The following PEX14 variants were observed in gnomAD, a reference collection of about 807,000 sequenced individuals.
PEX14 encodes peroxisomal biogenesis factor 14.
Under a neutral mutation model 49.5 loss-of-function variants are expected in PEX14, and 15 were observed. That is an observed-to-expected ratio of 0.30 (90% CI 0.20 to 0.47). The LOEUF is 0.47. Among genes scored for constraint, PEX14 ranks in the 20% least tolerant of loss-of-function variants. The probability of loss-of-function intolerance (pLI) is 1.00; values close to 1 mark genes in which losing one functional copy is unlikely to be tolerated. For missense variants in PEX14, 398 were observed against 494.8 expected (o/e 0.80, Z 1.86); for synonymous variants, 210 against 212.7 (o/e 0.99, Z 0.11).
intron 2 of PEX14, among the ~76,000 whole-genome samples, chr1:10,519,810 C>CTG (rs1360796410): frequency 6.6e-6 from 1 of 152,220 alleles, no homozygotes; most frequent in Non-Finnish European, 1.5e-5. Flanking sequence ...CAGGGACTTG[C>CTG]TGTGCTGCTC....
intron 3 of PEX14, among the ~76,000 whole-genome samples, chr1:10,552,536 C>T (rs540957817): frequency 6.6e-6 from 1 of 152,284 alleles, no homozygotes; most frequent in East Asian, 1.9e-4. Context: ...ATTGTTGGTT[C>T]CCAGTTTAGC....
chr1:10,486,380 T>A (rs1003078737), intron 1 of PEX14, among the ~76,000 whole-genome samples: 13 of 149,684 alleles, frequency 8.7e-5, no homozygotes, highest in Admixed American at 6.0e-4. Flanking sequence ...TTTTTTTTTT[T>A]AATCATATGT....
chr1:10,582,862 T>C (rs1640363176), intron 3 of PEX14, among the ~76,000 whole-genome samples: 1 of 152,022 alleles, frequency 6.6e-6, no homozygotes. Flanking sequence ...GCCTCCTGAG[T>C]AGCTGGGATT....
At chr1:10,562,316 C>T (rs910492494) in intron 3 of PEX14, among the ~76,000 whole-genome samples, 3 of 152,156 alleles carry the variant, frequency 2.0e-5, no homozygotes, top group African/African-American at 7.2e-5. Flanking sequence ...ATGTACAGAC[C>T]ATATTCAAAT....
At chr1:10,594,168 G>A (rs1640758628) in intron 3 of PEX14, among the ~76,000 whole-genome samples, 1 of 152,144 alleles carries the variant, frequency 6.6e-6, no homozygotes, top group Non-Finnish European at 1.5e-5. Flanking sequence ...CCAACAAAAT[G>A]TTCATAAAAT....
At chr1:10,610,406 T>G (rs1641248237) in intron 4 of PEX14, among the ~76,000 whole-genome samples, 1 of 150,246 alleles carries the variant, frequency 6.7e-6, no homozygotes, top group Non-Finnish European at 1.5e-5. Context: ...CACATATATA[T>G]ATACACAGAG....
In PEX14 at chr1:10,630,033, C is replaced by T. The variant is rs1335538900; in HGVS notation, c.*46C>T. The stretch of plus-strand genomic sequence containing the variant: ...GCCCTGAGGATGGCATCTAGTGTGC[C>T]CGTGCGTGGCCATACCCTGCCTCCC... On this transcript the variant is annotated 3_prime_UTR_variant, in exon 9 of 9. Transcript: ENST00000356607. This position sits in a 1 kb window ranked among gnomAD's most constrained non-coding sequence, Gnocchi z 4.1. 2 of 1,598,142 alleles carry T rather than the reference C, an allele frequency of 1.3e-6. No individual in the cohort carries two copies. Among genetic ancestry groups the T allele is most frequent in the Non-Finnish European group, 8.5e-7 (1 of 1,178,058 alleles).
At chr1:10,477,208 C>T (rs1417947918) in intron 1 of PEX14, among the ~76,000 whole-genome samples, 1 of 151,958 alleles carries the variant, frequency 6.6e-6, no homozygotes, top group Non-Finnish European at 1.5e-5. Flanking sequence ...GTAGCTGGGA[C>T]TACAGGCGCC....
chr1:10,595,116 G>A (rs537824902), intron 3 of PEX14, among the ~76,000 whole-genome samples: 1 of 152,344 alleles, frequency 6.6e-6, no homozygotes, highest in Non-Finnish European at 1.5e-5. Context: ...GGTCCAGGGA[G>A]CTCTTCTGGA....
intron 2 of PEX14, among the ~76,000 whole-genome samples, chr1:10,518,562 C>T (rs1170386759): frequency 6.6e-6 from 1 of 152,192 alleles, no homozygotes; most frequent in Non-Finnish European, 1.5e-5. Flanking sequence ...TGAACCCTTA[C>T]ACTGTAGAAT....
chr1:10,535,121 T>C (rs1638761396), intron 2 of PEX14, among the ~76,000 whole-genome samples: 1 of 152,226 alleles, frequency 6.6e-6, no homozygotes, highest in Non-Finnish European at 1.5e-5. Flanking sequence ...ATCTGTAACA[T>C]GAGACCATAT....
chr1:10,621,099 C>T (rs769786076), intron 5 of PEX14, among the ~76,000 whole-genome samples: 5 of 151,944 alleles, frequency 3.3e-5, no homozygotes, highest in Non-Finnish European at 5.9e-5. Flanking sequence ...CTGGGCTCTC[C>T]GCTCTGTTTT....
At chr1:10,617,488 C>T (rs1641459517) in intron 4 of PEX14, among the ~76,000 whole-genome samples, 1 of 152,166 alleles carries the variant, frequency 6.6e-6, no homozygotes, top group East Asian at 1.9e-4. Context: ...CCCGCCCCAG[C>T]CCCCACTGTA....
intron 3 of PEX14, among the ~76,000 whole-genome samples, chr1:10,557,267 T>C (rs1413749362): frequency 6.6e-6 from 1 of 152,246 alleles, no homozygotes; most frequent in East Asian, 1.9e-4. Flanking sequence ...GGTATTACTT[T>C]TGTGATTACC....
At chr1:10,477,631 T>C (rs1641218008) in intron 1 of PEX14, among the ~76,000 whole-genome samples, 1 of 152,196 alleles carries the variant, frequency 6.6e-6, no homozygotes, top group Non-Finnish European at 1.5e-5. Context: ...GTTAGCCTTG[T>C]CATATCAATC....
chr1:10,572,031 G>A (rs1379446036), intron 3 of PEX14, among the ~76,000 whole-genome samples: 1 of 152,112 alleles, frequency 6.6e-6, no homozygotes, highest in Non-Finnish European at 1.5e-5. Flanking sequence ...CAATCAGATT[G>A]CCAGATACTG....
At chr1:10,586,438 A>G (rs993639731) in intron 3 of PEX14, among the ~76,000 whole-genome samples, 2 of 152,100 alleles carry the variant, frequency 1.3e-5, no homozygotes, top group African/African-American at 4.8e-5. Flanking sequence ...TGCACTCTAT[A>G]ATCGAGCATT....
intron 4 of PEX14, among the ~76,000 whole-genome samples, chr1:10,608,038 G>T (rs528580841): frequency 6.6e-6 from 1 of 152,120 alleles, no homozygotes; most frequent in East Asian, 1.9e-4. Context: ...CCTGATGTTG[G>T]CTCACTGCAA....
At chr1:10,513,436 G>A (rs1641918246) in intron 2 of PEX14, among the ~76,000 whole-genome samples, 1 of 152,334 alleles carries the variant, frequency 6.6e-6, no homozygotes, top group East Asian at 1.9e-4. Flanking sequence ...CCAGCCGACA[G>A]CTTGAACAAG....
Sources: gnomAD v4.1 joint callset for allele counts (sites outside exome capture counted in the v4.1 genomes callset) on GRCh38, gnomAD v4.1.1 for gene constraint, Gnocchi (gnomAD v3.1) non-coding constraint, MANE v1.5 for transcripts, NCBI Gene and HGNC (gene_info 2026-07-23, HGNC 2026-07-21) for gene names.